Variants in ZSWIM6 observed in about 807,000 individuals in gnomAD.
ZSWIM6 encodes the protein zinc finger SWIM-type containing 6, also known as zinc finger SWIM domain-containing protein 6.
In ZSWIM6, 9 loss-of-function variants were observed where a neutral mutation model predicts 113.2. The observed-to-expected ratio is 0.08, with a 90% CI of 0.05 to 0.14. The LOEUF is 0.14. Ranked by LOEUF, ZSWIM6 falls within the 10% of genes least tolerant of loss-of-function variation. ZSWIM6 has a pLI of 1.00. For synonymous variants in ZSWIM6, 611 were observed against 606.5 expected (o/e 1.01, Z -0.11); for missense variants, 1,162 against 1,552.2 (o/e 0.75, Z 4.22).
chr5:61,540,610 A>G (rs1184593389), intron 12 of ZSWIM6, among the ~76,000 whole-genome samples: 1 of 152,136 alleles, frequency 6.6e-6, no homozygotes, highest in Admixed American at 6.6e-5. Context: ...AAGGGTATAG[A>G]AGATTGCTTT....
intron 1 of ZSWIM6, among the ~76,000 whole-genome samples, chr5:61,408,890 A>C (rs1158282627): frequency 6.6e-6 from 1 of 151,872 alleles, no homozygotes; most frequent in Admixed American, 6.6e-5. Context: ...AGAGACTGAC[A>C]GCGCGAGGGG....
Position 61,543,624 on chromosome 5 carries a change from G to A in ZSWIM6, c.2955G>A (p.Leu985=). Residue 985 remains leucine (L), a synonymous_variant, in exon 14 of 14, where the codon CTG becomes CTA. Transcript: ENST00000252744. This position sits in a 1 kb window ranked among gnomAD's most constrained non-coding sequence, Gnocchi z 4.3. ...KLASSARTLA[L]QCAMKDPQNC... is the part of the protein sequence containing the mutation. ...CCAGCAGCGCCCGGACACTTGCACT[G>A]CAGTGTGCCATGAAGGATCCACAGA... 2 of 1,551,770 alleles carry A rather than the reference G, an allele frequency of 1.3e-6. No individual in the cohort carries two copies. The highest frequency in any genetic ancestry group is 1.2e-5 in the South Asian group (1 of 84,068).
At chr5:61,464,841 C>T (rs991694504) in intron 1 of ZSWIM6, among the ~76,000 whole-genome samples, 3 of 152,252 alleles carry the variant, frequency 2.0e-5, no homozygotes, top group Non-Finnish European at 4.4e-5. Context: ...TCTGCTTCCT[C>T]CTCGTTTACA....
At chr5:61,446,817 C>G (rs1310091009) in intron 1 of ZSWIM6, among the ~76,000 whole-genome samples, 1 of 152,126 alleles carries the variant, frequency 6.6e-6, no homozygotes, top group African/African-American at 2.4e-5. Context: ...AATGTACATA[C>G]ACATAAACAC....
At chr5:61,386,862 A>G (rs1348906559) in intron 1 of ZSWIM6, among the ~76,000 whole-genome samples, 1 of 152,204 alleles carries the variant, frequency 6.6e-6, no homozygotes, top group Admixed American at 6.6e-5. Flanking sequence ...TTACTGTCTC[A>G]GAGAACATTA....
intron 1 of ZSWIM6, among the ~76,000 whole-genome samples, chr5:61,461,020 A>C (rs1747313606): frequency 6.6e-6 from 1 of 152,206 alleles, no homozygotes; most frequent in Non-Finnish European, 1.5e-5. Flanking sequence ...TCTCACTTTC[A>C]GGCAGATGAG....
At chr5:61,477,081 G>A (rs561644026) in intron 2 of ZSWIM6, among the ~76,000 whole-genome samples, 2 of 152,156 alleles carry the variant, frequency 1.3e-5, no homozygotes, top group Non-Finnish European at 2.9e-5. Flanking sequence ...ATAATTGGAG[G>A]TCAGATTGCT....
chr5:61,535,334 TGA>T, intron 9 of ZSWIM6, 148 bp from the exon 10 acceptor site: 5 of 1,000,918 alleles, frequency 5.0e-6, no homozygotes, highest in Admixed American at 2.6e-5. Flanking sequence ...GAATCTTTTT[TGA>T]TTAAGGATTA....
chr5:61,375,290 A>C, intron 1 of ZSWIM6: 1 of 1,610,720 alleles, frequency 6.2e-7, no homozygotes, highest in East Asian at 2.2e-5. Flanking sequence ...GCTTTGGCTG[A>C]ATTTGAAGAA....
intron 1 of ZSWIM6, among the ~76,000 whole-genome samples, chr5:61,468,121 A>G (rs960096721): frequency 1.3e-5 from 2 of 152,220 alleles, no homozygotes; most frequent in Non-Finnish European, 2.9e-5. Context: ...AGGTATTTCT[A>G]GCCACATTTT....
At chr5:61,523,803 G>A (rs932802688) in intron 5 of ZSWIM6, among the ~76,000 whole-genome samples, 2 of 152,070 alleles carry the variant, frequency 1.3e-5, no homozygotes, top group Non-Finnish European at 2.9e-5. Flanking sequence ...TGAGTATTTA[G>A]CCTCTTTTGT....
intron 1 of ZSWIM6, among the ~76,000 whole-genome samples, chr5:61,408,885 C>CT (rs1746095888): frequency 6.6e-6 from 1 of 151,972 alleles, no homozygotes; most frequent in Non-Finnish European, 1.5e-5. Flanking sequence ...GAGTCAGAGA[C>CT]TGACAGCGCG....
chr5:61,518,153 G>A (rs1285089311), intron 4 of ZSWIM6, among the ~76,000 whole-genome samples: 4 of 152,098 alleles, frequency 2.6e-5, no homozygotes, highest in African/African-American at 7.2e-5. Context: ...ATTCCATGGT[G>A]TATATGTGCC....
Position 61,538,803 on chromosome 5 carries a change from T to C in ZSWIM6, c.2382-11T>C, listed in dbSNP as rs564444295. 1.3e-4 allele frequency: 198 copies of C among 1,544,948 alleles called. No individual in the cohort carries two copies. Among genetic ancestry groups the C allele is most frequent in the Non-Finnish European group, 1.7e-4 (189 of 1,143,464 alleles). On this transcript the variant is annotated splice_polypyrimidine_tract_variant and intron_variant, in intron 10 of 13. Coordinates refer to ENST00000252744, the MANE Select transcript of ZSWIM6 (RefSeq NM_020928.2). ...TAACTAGGGGCCACCTTCCTTGTCTTCTCATTATAGGTTACTAGTATTGGA... is the reference window on the plus strand; with the variant it reads ...TAACTAGGGGCCACCTTCCTTGTCTCCTCATTATAGGTTACTAGTATTGGA...
At chr5:61,423,717 A>G (rs997473861) in intron 1 of ZSWIM6, among the ~76,000 whole-genome samples, 1 of 152,190 alleles carries the variant, frequency 6.6e-6, no homozygotes, top group Non-Finnish European at 1.5e-5. Context: ...TCAGCACTGC[A>G]CAAATTGTAC....
At chr5:61,402,984 T>C (rs1745969915) in intron 1 of ZSWIM6, among the ~76,000 whole-genome samples, 2 of 152,224 alleles carry the variant, frequency 1.3e-5, no homozygotes, top group African/African-American at 4.8e-5. Context: ...GTTGTACACT[T>C]AGGTAATAAG....
intron 1 of ZSWIM6, among the ~76,000 whole-genome samples, chr5:61,357,304 T>G (rs1037758471): frequency 6.6e-5 from 10 of 152,278 alleles, no homozygotes; most frequent in Middle Eastern, 3.4e-3. Flanking sequence ...ATGAGGGCTT[T>G]TAAAGCAGCA....
intron 12 of ZSWIM6, among the ~76,000 whole-genome samples, 155 bp downstream of exon 12, chr5:61,539,914 C>T (rs1749684730): frequency 6.6e-6 from 1 of 152,108 alleles, no homozygotes; most frequent in Admixed American, 6.6e-5. Context: ...ATTTCAGAGA[C>T]GTGGTCATTC....
At chr5:61,488,136 G>GT (rs1483188007) in intron 2 of ZSWIM6, among the ~76,000 whole-genome samples, 3 of 151,868 alleles carry the variant, frequency 2.0e-5, no homozygotes, top group African/African-American at 4.8e-5. Context: ...TAATCATATG[G>GT]TTTTTGTTCT....
Sources: allele counts gnomAD v4.1 joint callset (sites outside exome capture counted in the v4.1 genomes callset), GRCh38; gene constraint gnomAD v4.1.1; non-coding constraint Gnocchi (gnomAD v3.1); transcripts MANE v1.5; gene names NCBI Gene and HGNC (gene_info 2026-07-23, HGNC 2026-07-21).